Variants in NLRP14 observed in about 807,000 individuals in gnomAD.
The protein encoded by NLRP14 is NACHT, LRR and PYD domains-containing protein 14.
A neutral mutation model predicts 94.7 loss-of-function variants in NLRP14; 105 were observed. That is an observed-to-expected ratio of 1.11 (90% confidence interval 0.95 to 1.30). The LOEUF (loss-of-function observed/expected upper bound fraction) is 1.30. Among genes scored for constraint, NLRP14 ranks in the 50% most tolerant of loss-of-function variants. NLRP14 has a pLI of 0.00. For missense variants in NLRP14, 1,362 were observed against 1,254.1 expected, an observed-to-expected ratio of 1.09 and a Z score of -1.30; for synonymous variants, 508 against 459.9, an observed-to-expected ratio of 1.10 and a Z score of -1.34.
intron 1 of NLRP14, among the ~76,000 whole-genome samples, chr11:7,031,914 G>C (rs929365995): frequency 2.0e-5 from 3 of 152,138 alleles, no homozygotes; most frequent in Non-Finnish European, 4.4e-5. Context: ...TGCTCCCGGC[G>C]TTGGTCATCC....
At chr11:7,053,581 GT>G (rs895182002) in intron 6 of NLRP14, among the ~76,000 whole-genome samples, 1 of 151,328 alleles carries the variant, frequency 6.6e-6, no homozygotes, top group African/African-American at 2.4e-5. Flanking sequence ...AAATACAGAA[GT>G]TTTGTGGTCT....
intron 1 of NLRP14, among the ~76,000 whole-genome samples, chr11:7,027,410 A>T (rs965756534): frequency 1.3e-5 from 2 of 152,068 alleles, no homozygotes; most frequent in Non-Finnish European, 2.9e-5. Context: ...TAGAGTCCTC[A>T]CATGGCAGAA....
the NLRP14 span, among the ~76,000 whole-genome samples, chr11:7,086,180 A>G: frequency 1.3e-5 from 2 of 152,180 alleles, no homozygotes; most frequent in East Asian, 1.9e-4. Context: ...AGGGGTTCCA[A>G]TTTCTCCACA....
chr11:7,074,882 C>T (rs1852855364), downstream of NLRP14, among the ~76,000 whole-genome samples: 1 of 152,078 alleles, frequency 6.6e-6, no homozygotes, highest in Non-Finnish European at 1.5e-5. Context: ...CTTTAGTGCC[C>T]AGTAAATCTA....
chr11:7,064,598 C>T (rs1852677372), intron 10 of NLRP14, among the ~76,000 whole-genome samples: 1 of 152,044 alleles, frequency 6.6e-6, no homozygotes, highest in South Asian at 2.1e-4. Context: ...CTCCAATTAT[C>T]CTTTACTTGC....
chr11:7,067,772 C>T (rs542892229), intron 10 of NLRP14, among the ~76,000 whole-genome samples: 1 of 152,210 alleles, frequency 6.6e-6, no homozygotes, highest in East Asian at 1.9e-4. Context: ...ATTTCTTTTG[C>T]AGTCTTCATC....
chr11:7,049,837 A>C lies in NLRP14; in HGVS notation c.2290A>C (p.Arg764=). Residue 764 remains arginine (R), a splice_region_variant and synonymous_variant, in exon 6 of 12, where the codon AGG becomes CGG. Coordinates refer to ENST00000299481, the MANE Select transcript of NLRP14 (RefSeq NM_176822.4). ...CCCAGAGTGTAAACTACAGACTCTC[A>C]GGTAAGCTTTGAATTGTTTTGTCTT... ...KHPECKLQTL[R]LESCNLTVFC... The C allele has an allele frequency of 6.2e-7, 1 of 1,611,366 alleles. No individual in the cohort carries two copies. Among genetic ancestry groups the C allele is most frequent in the East Asian group, 2.2e-5 (1 of 44,802 alleles).
chr11:7,070,542 A>G, intron 11 of NLRP14, 86 bp downstream of exon 11: 2 of 848,972 alleles, frequency 2.4e-6, no homozygotes, highest in East Asian at 2.4e-5. Flanking sequence ...CTCAGAATCC[A>G]CCTAATTGTG....
chr11:7,022,917 A>C (rs939548398), intron 1 of NLRP14, among the ~76,000 whole-genome samples: 1 of 152,214 alleles, frequency 6.6e-6, no homozygotes. Flanking sequence ...GAACTTCTAC[A>C]GTGTTTCGTA....
intron 1 of NLRP14, among the ~76,000 whole-genome samples, chr11:7,033,139 T>C (rs1298200757): frequency 6.6e-6 from 1 of 152,232 alleles, no homozygotes; most frequent in African/African-American, 2.4e-5. Flanking sequence ...TTTACCACAA[T>C]GTATTGATTG....
At chr11:7,044,249 T>C (rs928676225) in intron 4 of NLRP14, among the ~76,000 whole-genome samples, 2 of 152,196 alleles carry the variant, frequency 1.3e-5, no homozygotes, top group African/African-American at 4.8e-5. Flanking sequence ...GACTCTCAAT[T>C]GTTGACAATC....
chr11:7,080,147 G>A, the NLRP14 span, among the ~76,000 whole-genome samples: 1 of 152,126 alleles, frequency 6.6e-6, no homozygotes, highest in South Asian at 2.1e-4. Flanking sequence ...TAACAACTTG[G>A]CAACTGTTTA....
At chr11:7,047,113 C>G (rs1330096467) in intron 5 of NLRP14, among the ~76,000 whole-genome samples, 1 of 152,122 alleles carries the variant, frequency 6.6e-6, no homozygotes, top group Admixed American at 6.5e-5. Context: ...AGGCAGGTCA[C>G]CAATGCACTT....
At position 7,062,331 on chromosome 11, in the gene NLRP14, A is replaced by T. The variant is rs1198040676; in HGVS notation, c.2805-2A>T. On this transcript the variant is annotated splice_acceptor_variant, in intron 9 of 11. Coordinates refer to ENST00000299481, the MANE Select transcript of NLRP14 (RefSeq NM_176822.4). LOFTEE classifies it high-confidence loss of function. Reference sequence around the variant, plus strand: ...TCACTTTTCCTATTGTAATTCTTACAGATTGATGGGCTGTGTTCTCACTAA... The same window carrying T: ...TCACTTTTCCTATTGTAATTCTTACTGATTGATGGGCTGTGTTCTCACTAA... 1 of 1,611,602 alleles carries T rather than the reference A, an allele frequency of 6.2e-7. No individual in the cohort carries two copies. The highest frequency in any genetic ancestry group is 1.1e-5 in the South Asian group (1 of 91,016).
Position 7,071,327 on chromosome 11 carries a change from C to A in NLRP14, c.*19C>A. The A allele has an allele frequency of 6.2e-7, 1 of 1,600,064 alleles. No homozygotes were observed. The highest frequency in any genetic ancestry group is 8.6e-7 in the Non-Finnish European group (1 of 1,168,900). On this transcript the variant is annotated 3_prime_UTR_variant, in exon 12 of 12. Transcript: ENST00000299481. ...TTTCTGATTTGAAGAAACTGACATT[C>A]CTTTAAAAATATAAATATAAATACA...
chr11:7,068,495 C>T (rs570054356), intron 10 of NLRP14, among the ~76,000 whole-genome samples: 2 of 152,118 alleles, frequency 1.3e-5, no homozygotes, highest in Non-Finnish European at 2.9e-5. Flanking sequence ...TGTAAACATA[C>T]TCCTTAATTT....
At chr11:7,086,068 T>G in the NLRP14 span, among the ~76,000 whole-genome samples, 1 of 152,186 alleles carries the variant, frequency 6.6e-6, no homozygotes, top group Non-Finnish European at 1.5e-5. Flanking sequence ...CCAGAAATAG[T>G]GTTGTTGAAT....
Position 7,033,715 on chromosome 11 carries a change from T to G in NLRP14, c.-21-4851T>G, listed in dbSNP as rs371872594. Among the ~76,000 whole-genome samples, 21 of 152,372 alleles carry G rather than the reference T, an allele frequency of 1.4e-4. No individual in the cohort carries two copies. The South Asian group carries it at 4.3e-3, about 32-fold the overall frequency. Reference sequence around the variant, plus strand: ...GTTTGAATTCTAAGGACAAGAGGTTTTAATTTCAGCATAGTTAACGAACAT... The same window carrying G: ...GTTTGAATTCTAAGGACAAGAGGTTGTAATTTCAGCATAGTTAACGAACAT... On this transcript the variant is annotated intron_variant, in intron 1 of 11. Transcript: ENST00000299481.
chr11:7,062,660 T>G (rs1270908185), intron 10 of NLRP14, among the ~76,000 whole-genome samples, 157 bp downstream of exon 10: 2 of 152,108 alleles, frequency 1.3e-5, no homozygotes, highest in Non-Finnish European at 2.9e-5. Context: ...AATGGATCAA[T>G]GTACTGCATG....
Sources: allele counts gnomAD v4.1 joint callset (sites outside exome capture counted in the v4.1 genomes callset), GRCh38; gene constraint gnomAD v4.1.1; transcripts MANE v1.5; gene names NCBI Gene and HGNC (gene_info 2026-07-23, HGNC 2026-07-21).